The following ETV1 variants were observed in gnomAD, a reference collection of about 807,000 sequenced individuals.
ETV1 encodes the protein ETS variant transcription factor 1.
In ETV1, 27 loss-of-function variants were observed where a neutral mutation model predicts 62.3. The ratio of observed to expected loss-of-function variants is 0.43; its 90% confidence interval spans 0.32 to 0.60. ETV1 has a LOEUF of 0.60. Among genes scored for constraint, ETV1 ranks in the 20% least tolerant of loss-of-function variants. The pLI is 0.06. For synonymous variants in ETV1, 222 were observed against 199.6 expected, an observed-to-expected ratio of 1.11 and a Z score of -0.94; for missense variants, 605 against 605.8, an observed-to-expected ratio of 1.00 and a Z score of 0.01.
At chr7:13,966,775 T>C (rs1274301987) in intron 6 of ETV1, among the ~76,000 whole-genome samples, 2 of 152,234 alleles carry the variant, frequency 1.3e-5, no homozygotes, top group Admixed American at 6.5e-5. Flanking sequence ...ATCACTCATA[T>C]AATTTCACAT....
At chr7:13,954,016 G>A (rs758688623) in intron 6 of ETV1, among the ~76,000 whole-genome samples, 20 of 151,948 alleles carry the variant, frequency 1.3e-4, no homozygotes, top group Admixed American at 5.2e-4. Context: ...TTATCAATGC[G>A]CCATAGTAAC....
chr7:13,899,950 G>A (rs995001702), intron 13 of ETV1, among the ~76,000 whole-genome samples: 10 of 152,280 alleles, frequency 6.6e-5, no homozygotes, highest in East Asian at 1.9e-4. Flanking sequence ...CCAATATGGC[G>A]AAACGCCATC....
chr7:13,969,519 A>G (rs1278630103), intron 6 of ETV1, among the ~76,000 whole-genome samples: 1 of 152,218 alleles, frequency 6.6e-6, no homozygotes, highest in African/African-American at 2.4e-5. Flanking sequence ...ACAATTAAGT[A>G]TATGAGAAAA....
In ETV1 at chr7:13,988,040, G is replaced by C. The variant is rs371597793; in HGVS notation, c.133+46C>G. The C allele has an allele frequency of 1.3e-4, 130 of 1,021,750 alleles. No homozygotes were observed. The African/African-American group carries it at 1.9e-3, about 15-fold the overall frequency. 63.3% of individuals were successfully genotyped at this position (1,021,750 alleles called of 1,614,324 possible). On this transcript the variant is annotated intron_variant, in intron 4 of 13. Transcript: ENST00000430479. ...GCTCCTTTTCTTTTAGCAGGGTGGAGAGTGTAGGTAAAAAAATGGGGATTC... is the reference window on the plus strand; with the variant it reads ...GCTCCTTTTCTTTTAGCAGGGTGGACAGTGTAGGTAAAAAAATGGGGATTC...
At chr7:13,926,101 CATA>C (rs1009152254) in intron 9 of ETV1, among the ~76,000 whole-genome samples, 6 of 152,224 alleles carry the variant, frequency 3.9e-5, no homozygotes, top group East Asian at 1.9e-4. Context: ...CTAATGGCTG[CATA>C]ATATTTCTTT....
intron 12 of ETV1, among the ~76,000 whole-genome samples, chr7:13,904,778 C>G (rs768714614): frequency 1.3e-5 from 2 of 151,904 alleles, no homozygotes; most frequent in African/African-American, 2.4e-5. Flanking sequence ...ACACTCCCAT[C>G]ATGCGAAAGG....
chr7:13,972,469 T>C lies in ETV1; in HGVS notation c.235+4958A>G, dbSNP rs148086441. Among the ~76,000 whole-genome samples the C allele has an allele frequency of 9.9e-3, 1,515 of 152,318 alleles. 30 individuals are homozygous for C. The highest frequency in any genetic ancestry group is 0.035 in the African/African-American group (1,467 of 41,576). ...GATTGAAAATATAACATTATTGATG[T>C]AATTAAACTTAAAGTAAACAATTTA... is the stretch of plus-strand genomic sequence containing the variant. On this transcript the variant is annotated intron_variant, in intron 6 of 13. Transcript: ENST00000430479.
chr7:13,958,557 G>A (rs574762378), intron 6 of ETV1, among the ~76,000 whole-genome samples: 5 of 152,272 alleles, frequency 3.3e-5, no homozygotes, highest in Admixed American at 6.5e-5. Flanking sequence ...AAGGAAGATC[G>A]TTCCAGTTCT....
chr7:13,914,916 T>C (rs1783985657), intron 9 of ETV1, among the ~76,000 whole-genome samples: 1 of 152,166 alleles, frequency 6.6e-6, no homozygotes, highest in Admixed American at 6.5e-5. Flanking sequence ...TGTACAGAGC[T>C]GGCTGAAATT....
chr7:13,904,551 T>C (rs1782757299), intron 12 of ETV1, among the ~76,000 whole-genome samples: 1 of 152,176 alleles, frequency 6.6e-6, no homozygotes, highest in Admixed American at 6.5e-5. Flanking sequence ...TTTCTTCTTC[T>C]GAGTGGATCA....
At chr7:13,977,363 G>A in intron 6 of ETV1, 64 bp downstream of exon 6, 1 of 1,152,080 alleles carries the variant, frequency 8.7e-7, no homozygotes, top group Non-Finnish European at 1.2e-6. Flanking sequence ...CAACCAAAGA[G>A]AAAGAAGAAA....
At chr7:13,977,522 C>T in intron 5 of ETV1, 42 bp from the exon 6 acceptor site, 2 of 1,325,326 alleles carry the variant, frequency 1.5e-6, no homozygotes, top group Non-Finnish European at 2.1e-6. Flanking sequence ...AAGAGAGAAA[C>T]TGCCAAAAGC....
intron 12 of ETV1, among the ~76,000 whole-genome samples, chr7:13,901,328 T>C (rs771941152): frequency 6.6e-5 from 10 of 152,094 alleles, no homozygotes; most frequent in Non-Finnish European, 1.2e-4. Flanking sequence ...AAACCAGGCG[T>C]GCAGTGATCC....
At chr7:13,919,256 C>T (rs1784547152) in intron 9 of ETV1, among the ~76,000 whole-genome samples, 1 of 151,952 alleles carries the variant, frequency 6.6e-6, no homozygotes, top group African/African-American at 2.4e-5. Context: ...CAATATGACA[C>T]AAATCGTAAA....
chr7:13,941,463 C>G (rs1562652959), intron 6 of ETV1, among the ~76,000 whole-genome samples: 2 of 152,016 alleles, frequency 1.3e-5, no homozygotes, highest in African/African-American at 2.4e-5. Flanking sequence ...ATGGTAAAAG[C>G]CAATTGAAGG....
At position 13,895,300 on chromosome 7, in the gene ETV1, C is replaced by G. The variant is rs1180045637; in HGVS notation, c.*566G>C. On this transcript the variant is annotated 3_prime_UTR_variant, in exon 14 of 14. Transcript: ENST00000430479. ...ATATAAAGCAAAATAAAACAACAAA[C>G]AGCAAATGCAATCGCTAAATACCTT... 4.3e-6 allele frequency: 1 copy of G among 233,770 alleles called. No homozygotes were observed. Among genetic ancestry groups the G allele is most frequent in the Non-Finnish European group, 8.5e-6 (1 of 118,236 alleles). The allele number at this position is 233,770 out of a possible 1,614,324, so 14.5% of individuals were successfully genotyped here.
intron 6 of ETV1, among the ~76,000 whole-genome samples, chr7:13,943,571 T>C (rs2128464380): frequency 6.6e-6 from 1 of 152,302 alleles, no homozygotes; most frequent in African/African-American, 2.4e-5. Context: ...TGTGAGAATG[T>C]TCAAAGAAGC....
intron 5 of ETV1, among the ~76,000 whole-genome samples, chr7:13,978,883 C>T (rs1054035095): frequency 2.0e-5 from 3 of 152,014 alleles, no homozygotes; most frequent in African/African-American, 4.8e-5. Context: ...TGCAGTTTGA[C>T]ATTCAACTGT....
At chr7:13,930,827 GTCTC>G (rs931677088) in intron 9 of ETV1, among the ~76,000 whole-genome samples, 27 of 151,568 alleles carry the variant, frequency 1.8e-4, no homozygotes, top group African/African-American at 6.3e-4. Context: ...TTGAGACGGA[GTCTC>G]TCTCTGTCAC....
Sources: allele counts gnomAD v4.1 joint callset (sites outside exome capture counted in the v4.1 genomes callset), GRCh38; gene constraint gnomAD v4.1.1; transcripts MANE v1.5; gene names NCBI Gene and HGNC (gene_info 2026-07-23, HGNC 2026-07-21).